Variants in STPG2 observed in about 807,000 individuals in gnomAD.
STPG2 encodes the protein sperm tail PG-rich repeat containing 2, also known as sperm-tail PG-rich repeat-containing protein 2.
STPG2 carries 56 observed loss-of-function variants against 54.2 expected under a neutral mutation model. That is an observed-to-expected ratio of 1.03 (90% CI 0.83 to 1.29). The LOEUF (loss-of-function observed/expected upper bound fraction) is 1.29. STPG2 is among the 50% of genes most tolerant of loss of function. The pLI is 0.00. For synonymous variants in STPG2, 200 were observed against 181.8 expected (o/e 1.10, Z -0.81); for missense variants, 596 against 544.9 (o/e 1.09, Z -0.93).
intron 5 of STPG2, among the ~76,000 whole-genome samples, chr4:98,005,894 A>G (rs1735563669): frequency 6.6e-6 from 1 of 152,204 alleles, no homozygotes; most frequent in South Asian, 2.1e-4. Context: ...AAATGAGTTG[A>G]AAATGGTTCC....
chr4:97,738,925 G>A (rs373050084), intron 9 of STPG2, among the ~76,000 whole-genome samples: 13 of 151,752 alleles, frequency 8.6e-5, no homozygotes, highest in Admixed American at 1.3e-4. Context: ...TTTCAGCACC[G>A]CACCACACCT....
intron 9 of STPG2, among the ~76,000 whole-genome samples, chr4:97,831,338 C>G (rs1728451862): frequency 6.6e-6 from 1 of 152,016 alleles, no homozygotes; most frequent in Non-Finnish European, 1.5e-5. Flanking sequence ...AACAAAAACA[C>G]AATGTAGTAG....
At chr4:98,044,178 CTTT>C (rs1222856159) in intron 5 of STPG2, among the ~76,000 whole-genome samples, 2 of 152,008 alleles carry the variant, frequency 1.3e-5, no homozygotes, top group Non-Finnish European at 2.9e-5. Flanking sequence ...GTCTTTAATA[CTTT>C]TTAACTTTTA....
intron 5 of STPG2, among the ~76,000 whole-genome samples, chr4:98,047,488 A>G (rs1737171734): frequency 6.6e-6 from 1 of 152,092 alleles, no homozygotes; most frequent in Admixed American, 6.6e-5. Context: ...GTTTCTGCCT[A>G]TTCACTCTGC....
intron 5 of STPG2, among the ~76,000 whole-genome samples, chr4:97,991,093 G>T (rs561571780): frequency 6.6e-6 from 1 of 151,956 alleles, no homozygotes; most frequent in Non-Finnish European, 1.5e-5. Context: ...AGTCCCCGAA[G>T]CCCATTGTAT....
intron 10 of STPG2, among the ~76,000 whole-genome samples, chr4:97,702,965 C>T (rs991892426): frequency 6.6e-6 from 1 of 152,088 alleles, no homozygotes; most frequent in East Asian, 1.9e-4. Context: ...AGATTTGAGG[C>T]TCAGTATCTG....
chr4:97,585,098 T>A, intron 10 of STPG2, among the ~76,000 whole-genome samples: 2 of 41,022 alleles, frequency 4.9e-5, no homozygotes, highest in Non-Finnish European at 8.4e-5. Context: ...CATAAAATAT[T>A]CTCAAAAAAA....
At chr4:97,913,537 C>T (rs375647007) in intron 8 of STPG2, among the ~76,000 whole-genome samples, 21 of 152,128 alleles carry the variant, frequency 1.4e-4, no homozygotes, top group Admixed American at 6.5e-4. Context: ...CTCCTCCTTG[C>T]GCATATAATA....
intron 9 of STPG2, among the ~76,000 whole-genome samples, chr4:97,801,233 C>A (rs1229044471): frequency 2.0e-5 from 3 of 152,192 alleles, no homozygotes; most frequent in African/African-American, 7.2e-5. Context: ...AATCCAGTAC[C>A]TCAGTTGGAA....
chr4:98,004,904 G>A (rs962647386), intron 5 of STPG2, among the ~76,000 whole-genome samples: 2 of 149,722 alleles, frequency 1.3e-5, no homozygotes, highest in African/African-American at 4.9e-5. Context: ...TCAGATGTAT[G>A]GTTTAAAAAT....
intron 10 of STPG2, among the ~76,000 whole-genome samples, chr4:97,637,593 T>C (rs144631601): frequency 9.9e-5 from 15 of 152,066 alleles, no homozygotes; most frequent in East Asian, 3.9e-4. Context: ...TCTAGAAAAC[T>C]CCATCGTCTC....
intron 2 of STPG2, among the ~76,000 whole-genome samples, chr4:98,130,940 C>CAA (rs1215700216): frequency 1.0e-5 from 1 of 96,296 alleles, no homozygotes; most frequent in Non-Finnish European, 2.1e-5. Context: ...AAAAAAAAAA[C>CAA]AAAAAAAAAA....
chr4:97,563,289 T>A (rs1363856832), intron 10 of STPG2, among the ~76,000 whole-genome samples: 2 of 150,678 alleles, frequency 1.3e-5, no homozygotes, highest in Admixed American at 1.3e-4. Context: ...AGTGGTGATA[T>A]CCCCTTTGTC....
intron 4 of STPG2, among the ~76,000 whole-genome samples, chr4:97,532,294 T>C (rs1731431940): frequency 6.6e-6 from 1 of 152,170 alleles, no homozygotes; most frequent in Non-Finnish European, 1.5e-5. Context: ...TATCTATATT[T>C]GCAGTTAAAA....
intron 8 of STPG2, among the ~76,000 whole-genome samples, chr4:97,886,916 G>A (rs1187721305): frequency 6.6e-6 from 1 of 152,156 alleles, no homozygotes; most frequent in Non-Finnish European, 1.5e-5. Context: ...TTAAAAGTGT[G>A]CAGCACCTTT....
intron 9 of STPG2, among the ~76,000 whole-genome samples, chr4:97,840,271 T>G (rs1418222508): frequency 6.6e-6 from 1 of 151,592 alleles, no homozygotes; most frequent in Non-Finnish European, 1.5e-5. Context: ...CTCTAACAAC[T>G]TTAGCATGTT....
intron 7 of STPG2, among the ~76,000 whole-genome samples, chr4:97,957,476 A>C (rs963720454): frequency 1.3e-5 from 2 of 152,094 alleles, no homozygotes; most frequent in African/African-American, 4.8e-5. Flanking sequence ...AGGGAAATCT[A>C]GAAGTTTGGA....
chr4:97,655,257 C>T (rs1392442766), intron 10 of STPG2, among the ~76,000 whole-genome samples: 1 of 152,034 alleles, frequency 6.6e-6, no homozygotes, highest in Non-Finnish European at 1.5e-5. Context: ...AATGACCAAA[C>T]GTTTGTATAT....
At chr4:97,716,960 T>C (rs1414755573) in intron 9 of STPG2, among the ~76,000 whole-genome samples, 1 of 152,270 alleles carries the variant, frequency 6.6e-6, no homozygotes, top group Non-Finnish European at 1.5e-5. Flanking sequence ...AGAAAGTTTA[T>C]ACATTTATGG....
Sources: gnomAD v4.1 joint callset for allele counts (sites outside exome capture counted in the v4.1 genomes callset) on GRCh38, gnomAD v4.1.1 for gene constraint, MANE v1.5 for transcripts, NCBI Gene and HGNC (gene_info 2026-07-23, HGNC 2026-07-21) for gene names.